The following ARHGEF17 variants were observed in gnomAD, a reference collection of about 807,000 sequenced individuals.
ARHGEF17 encodes the protein 164 kDa Rho-specific guanine-nucleotide exchange factor.
Under a neutral mutation model 174.0 loss-of-function variants are expected in ARHGEF17, and 80 were observed. That is an observed-to-expected ratio of 0.46 (90% confidence interval 0.38 to 0.55). The LOEUF (loss-of-function observed/expected upper bound fraction) is 0.55, where lower values mean the gene tolerates loss of function less well. Among genes scored for constraint, ARHGEF17 ranks in the 20% least tolerant of loss-of-function variants. The pLI, the probability that ARHGEF17 is intolerant of heterozygous loss-of-function variation, is 0.00. For missense variants in ARHGEF17, 2,886 were observed against 2,839.7 expected (o/e 1.02, Z -0.37); for synonymous variants, 1,311 against 1,189.1 (o/e 1.10, Z -2.11).
At chr11:73,313,020 CCTGCGCTCCCA>C (rs549353014) in intron 1 of ARHGEF17, among the ~76,000 whole-genome samples, 9 of 152,294 alleles carry the variant, frequency 5.9e-5, no homozygotes, top group Admixed American at 3.9e-4. Context: ...TCAACTGTGG[CCTGCGCTCCCA>C]CTGCGCTCCC....
At chr11:73,347,138 C>A in intron 2 of ARHGEF17, 178 bp downstream of exon 2, 1 of 733,796 alleles carries the variant, frequency 1.4e-6, no homozygotes, top group Non-Finnish European at 2.4e-6. Flanking sequence ...AGGAGGAAGG[C>A]TTCTCCCGGG....
At chr11:73,341,920 G>A (rs1189167508) in intron 1 of ARHGEF17, among the ~76,000 whole-genome samples, 1 of 152,216 alleles carries the variant, frequency 6.6e-6, no homozygotes, top group African/African-American at 2.4e-5. Flanking sequence ...AGGCACAGCT[G>A]CAGGGTGCTT....
chr11:73,315,889 C>G (rs552990768), intron 1 of ARHGEF17, among the ~76,000 whole-genome samples: 26 of 152,284 alleles, frequency 1.7e-4, no homozygotes, highest in African/African-American at 6.0e-4. Context: ...TAATCCTGTC[C>G]CCAGCCCCCT....
rs996270787 is a variant in ARHGEF17 at position 73,308,343 on chromosome 11, C to T, written c.-296C>T. The T allele has an allele frequency of 6.5e-5, 22 of 335,912 alleles. 1 individual carries two copies. The highest frequency in any genetic ancestry group is 3.4e-4 in the Admixed American group (7 of 20,480). The allele number at this position is 335,912 out of a possible 1,614,324, so 20.8% of individuals were successfully genotyped here. Reference sequence around the variant, plus strand: ...GGACGCAGAGTCGAGGAACCAAGCGCTGGGATCCCGCCCAGGCGGTGCCGC... The same window carrying T: ...GGACGCAGAGTCGAGGAACCAAGCGTTGGGATCCCGCCCAGGCGGTGCCGC... On this transcript the variant is annotated 5_prime_UTR_variant, in exon 1 of 21. Coordinates refer to ENST00000263674, the MANE Select transcript of ARHGEF17 (RefSeq NM_014786.4).
intron 1 of ARHGEF17, among the ~76,000 whole-genome samples, chr11:73,312,475 A>T (rs1035709070): frequency 1.3e-5 from 2 of 152,158 alleles, no homozygotes; most frequent in Non-Finnish European, 2.9e-5. Context: ...CAGGGGAGAT[A>T]GGTGGACAAA....
intron 1 of ARHGEF17, among the ~76,000 whole-genome samples, chr11:73,329,991 T>C (rs1865179973): frequency 6.6e-6 from 1 of 152,252 alleles, no homozygotes; most frequent in African/African-American, 2.4e-5. Flanking sequence ...GGTCTCAGTG[T>C]ATTTTAATTT....
intron 2 of ARHGEF17, among the ~76,000 whole-genome samples, chr11:73,348,876 G>A (rs575530921): frequency 6.6e-6 from 1 of 152,154 alleles, no homozygotes; most frequent in Non-Finnish European, 1.5e-5. Flanking sequence ...GTCAGGGAGG[G>A]CTTCCCTGGG....
At chr11:73,367,531 C>T in intron 20 of ARHGEF17, 53 bp from the exon 21 acceptor site, 1 of 1,487,422 alleles carries the variant, frequency 6.7e-7, no homozygotes, top group Admixed American at 1.8e-5. Flanking sequence ...CCCGATGGGA[C>T]AGTGAAGCCT....
At chr11:73,322,146 G>A (rs1208067556) in intron 1 of ARHGEF17, among the ~76,000 whole-genome samples, 1 of 152,182 alleles carries the variant, frequency 6.6e-6, no homozygotes, top group Admixed American at 6.5e-5. Flanking sequence ...GATGGGGAGG[G>A]ACGCCTTCCC....
At position 73,365,823 on chromosome 11, in the gene ARHGEF17, G is replaced by A. The variant is rs749224263; in HGVS notation, c.5871G>A (p.Arg1957=). Residue 1957 remains arginine, a synonymous_variant, in exon 20 of 21, where the codon CGG becomes CGA. Coordinates refer to ENST00000263674, the MANE Select transcript of ARHGEF17 (RefSeq NM_014786.4). The surrounding 1 kb of genome is among the most constrained non-coding windows in gnomAD (Gnocchi z 4.9). ...CGCCCGGTACTGTCAGCTGCCCACGGGCACCACTCAGTCCCACAGGCCTCG... is the reference window on the plus strand; with the variant it reads ...CGCCCGGTACTGTCAGCTGCCCACGAGCACCACTCAGTCCCACAGGCCTCG... ...PTSPGTVSCP[R]APLSPTGLGQ... 2.5e-6 allele frequency: 4 copies of A among 1,613,254 alleles called. No individual in the cohort carries two copies. Among genetic ancestry groups the A allele is most frequent in the African/African-American group, 1.3e-5 (1 of 74,938 alleles).
chr11:73,353,104 C>T (rs1326946874), intron 3 of ARHGEF17, 92 bp downstream of exon 3: 2 of 1,481,490 alleles, frequency 1.3e-6, no homozygotes, highest in Non-Finnish European at 1.8e-6. Context: ...ACCCATCCCA[C>T]CTGGATACTG....
chr11:73,359,861 A>G lies in ARHGEF17; in HGVS notation c.4115A>G (p.Asn1372Ser), dbSNP rs1865707743. 6.2e-7 allele frequency: 1 copy of G among 1,612,698 alleles called. No homozygotes were observed. The highest frequency in any genetic ancestry group is 8.5e-7 in the Non-Finnish European group (1 of 1,179,330). Residue 1372 changes from asparagine (N) to serine (S), a missense_variant, in exon 10 of 21, where the codon AAC becomes AGC. Around this residue, in one of 4 missense-constraint regions of ARHGEF17, gnomAD observed 353 missense variants for 470.3 expected, o/e 0.75. Coordinates refer to ENST00000263674, the MANE Select transcript of ARHGEF17 (RefSeq NM_014786.4). Reference sequence around the variant, plus strand: ...GCATCCCAAGCCACCAATCGGGAGAACATCCAGAAGGCCATCAGCCGCCTT... The same window carrying G: ...GCATCCCAAGCCACCAATCGGGAGAGCATCCAGAAGGCCATCAGCCGCCTT... The part of the protein sequence containing the change: ...KGASQATNRE[N>S]IQKAISRLDE...
chr11:73,310,811 G>T lies in ARHGEF17; in HGVS notation c.2173G>T (p.Gly725Trp). Reference sequence around the variant, plus strand: ...TTCTGGTGGGAGCGAATTGAGCAATGGGGAGGCAGGGGAGGCCTACAGGTC... The same window carrying T: ...TTCTGGTGGGAGCGAATTGAGCAATTGGGAGGCAGGGGAGGCCTACAGGTC... ...SGSGGSELSN[G>W]EAGEAYRSLS... Residue 725 changes from glycine to tryptophan, a missense_variant, in exon 1 of 21, where the codon GGG (glycine) becomes TGG (tryptophan). Gly to Trp is a radical substitution (Grantham distance 184). Around this residue, in one of 4 missense-constraint regions of ARHGEF17, gnomAD observed 1,728 missense variants for 1,461.2 expected, o/e 1.18. Coordinates refer to ENST00000263674, the MANE Select transcript of ARHGEF17 (RefSeq NM_014786.4). 2 of 1,611,938 alleles carry T rather than the reference G, an allele frequency of 1.2e-6. No individual in the cohort carries two copies. Among genetic ancestry groups the T allele is most frequent in the Non-Finnish European group, 8.5e-7 (1 of 1,179,650 alleles).
At position 73,367,709 on chromosome 11, in the gene ARHGEF17, G is replaced by C. The variant is rs751494564; in HGVS notation, c.6121G>C (p.Gly2041Arg). ...CTATGAGGACTTCCGACTCAGCAGT[G>C]GGGGCGGCAGCAGCAGTGAGACTGT... ...DGYEDFRLSSGGGSSSETVGR... is the reference protein window; with the variant it reads ...DGYEDFRLSSRGGSSSETVGR... The change falls in exon 21 of 21, where the codon GGG (glycine) becomes CGG (arginine). Residue 2041 changes from glycine (G) to arginine (R), a missense_variant. By Grantham distance (125) the Gly-to-Arg change is moderately radical. Coordinates refer to ENST00000263674, the MANE Select transcript of ARHGEF17 (RefSeq NM_014786.4). 1 of 1,614,100 alleles carries C rather than the reference G, an allele frequency of 6.2e-7. No homozygotes were observed. Among genetic ancestry groups the C allele is most frequent in the Admixed American group, 1.7e-5 (1 of 60,030 alleles).
chr11:73,360,657 G>C (rs1865723740), intron 11 of ARHGEF17, 124 bp downstream of exon 11: 1 of 990,210 alleles, frequency 1.0e-6, no homozygotes, highest in Non-Finnish European at 1.5e-6. Flanking sequence ...GGCTCCACCT[G>C]GTGGGGAGGG....
At chr11:73,320,539 T>C (rs1451865921) in intron 1 of ARHGEF17, among the ~76,000 whole-genome samples, 1 of 147,406 alleles carries the variant, frequency 6.8e-6, no homozygotes, top group Non-Finnish European at 1.5e-5. Context: ...GAGAATTGCT[T>C]GAACCCTGGG....
chr11:73,355,639 A>C lies in ARHGEF17; in HGVS notation c.3560A>C (p.Lys1187Thr). The C allele has an allele frequency of 1.2e-6, 2 of 1,613,872 alleles. No individual in the cohort carries two copies. The highest frequency in any genetic ancestry group is 4.5e-5 in the East Asian group (2 of 44,888). Reference sequence around the variant, plus strand: ...AAGGAGGCGAGGCCTGCCTTTCTCAAGTTCCTAGAGGTACTGTGGGCTAGG... The same window carrying C: ...AAGGAGGCGAGGCCTGCCTTTCTCACGTTCCTAGAGGTACTGTGGGCTAGG... ...VAKEARPAFLKFLEQSMRENK... is the reference protein window; with the variant it reads ...VAKEARPAFLTFLEQSMRENK... The change falls in exon 4 of 21, where the codon AAG becomes ACG. Residue 1187 changes from lysine to threonine, a missense_variant. Physicochemically the swap from Lys to Thr is moderately conservative, Grantham distance 78 (BLOSUM62 -1). Coordinates refer to ENST00000263674, the MANE Select transcript of ARHGEF17 (RefSeq NM_014786.4).
At chr11:73,324,529 G>T (rs939898643) in intron 1 of ARHGEF17, among the ~76,000 whole-genome samples, 1 of 152,230 alleles carries the variant, frequency 6.6e-6, no homozygotes, top group East Asian at 1.9e-4. Context: ...GGCACTGATT[G>T]GGGGTGGGAT....
chr11:73,341,770 C>T (rs968038336), intron 1 of ARHGEF17, among the ~76,000 whole-genome samples: 13 of 152,154 alleles, frequency 8.5e-5, no homozygotes, highest in African/African-American at 2.7e-4. Flanking sequence ...GACAGATGGG[C>T]CTGGCTTGAG....
Sources: allele counts gnomAD v4.1 joint callset (sites outside exome capture counted in the v4.1 genomes callset), GRCh38; gene constraint gnomAD v4.1.1; regional missense constraint gnomAD v4.1.1; non-coding constraint Gnocchi (gnomAD v3.1); transcripts MANE v1.5; gene names NCBI Gene and HGNC (gene_info 2026-07-23, HGNC 2026-07-21).